TTBK1: variants seen among roughly 807,000 people sequenced by gnomAD.
The protein encoded by TTBK1 is tau-tubulin kinase 1.
Under a neutral mutation model 108.5 loss-of-function variants are expected in TTBK1, and 34 were observed. The ratio of observed to expected loss-of-function variants is 0.31; its 90% confidence interval spans 0.24 to 0.42. The LOEUF (loss-of-function observed/expected upper bound fraction) is 0.42. TTBK1 is among the 10% of genes least tolerant of loss of function. TTBK1 has a pLI of 1.00. For missense variants in TTBK1, 1,539 were observed against 1,826.0 expected (o/e 0.84, Z 2.86); for synonymous variants, 809 against 795.1 (o/e 1.02, Z -0.29).
At chr6:43,256,371 G>A (rs1777381078) in intron 9 of TTBK1, among the ~76,000 whole-genome samples, 1 of 151,912 alleles carries the variant, frequency 6.6e-6, no homozygotes, top group Non-Finnish European at 1.5e-5. Flanking sequence ...CTGACCTTTT[G>A]ATCCACCTGC....
rs1394490680 is a variant in TTBK1 at position 43,269,840 on chromosome 6, C to G, written c.1986+6490C>G. On this transcript the variant is annotated intron_variant, in intron 13 of 14. Transcript: ENST00000259750. This position sits in a 1 kb window ranked among gnomAD's most constrained non-coding sequence, Gnocchi z 4.8. The stretch of plus-strand genomic sequence containing the variant: ...AGAGCAGCCCTGTGCGGGCGCCCCA[C>G]CGGCGCCACGCGCCCCTCGCTGCTG... 2 of 1,535,228 alleles carry G rather than the reference C, an allele frequency of 1.3e-6. No individual in the cohort carries two copies. Among genetic ancestry groups the G allele is most frequent in the African/African-American group, 1.4e-5 (1 of 73,060 alleles).
rs1436598764 is a variant in TTBK1, at chr6:43,255,802, C to T, written c.807C>T (p.His269=). 3 of 1,614,126 alleles carry T rather than the reference C, an allele frequency of 1.9e-6. No homozygotes were observed. Among genetic ancestry groups the T allele is most frequent in the East Asian group, 2.2e-5 (1 of 44,878 alleles). The stretch of plus-strand genomic sequence containing the variant: ...TGAAGCACATGCCGTCAGAGTTCCA[C>T]CTCTTCCTGGACCACATTGCCAGCC... ...MLLKHMPSEF[H]LFLDHIASLD... is the part of the protein sequence containing the mutation. Residue 269 remains histidine (H), a synonymous_variant, in exon 9 of 15, where the codon CAC becomes CAT. Coordinates refer to ENST00000259750, the MANE Select transcript of TTBK1 (RefSeq NM_032538.3).
In TTBK1 at chr6:43,276,250, A is replaced by T. The variant is rs1002981189; in HGVS notation, c.1987-6477A>T. Among the ~76,000 whole-genome samples, 2 of 152,182 alleles carry T rather than the reference A, an allele frequency of 1.3e-5. No individual in the cohort carries two copies. Among genetic ancestry groups the T allele is most frequent in the African/African-American group, 4.8e-5 (2 of 41,432 alleles). On this transcript the variant is annotated intron_variant, in intron 13 of 14. Transcript: ENST00000259750. The surrounding 1 kb of genome is among the most constrained non-coding windows in gnomAD (Gnocchi z 5.4). ...ACCCTGGCCAGCGGAAGCATGCACGAAAAACTCAAAACCACACACACGCTC... is the reference window on the plus strand; with the variant it reads ...ACCCTGGCCAGCGGAAGCATGCACGTAAAACTCAAAACCACACACACGCTC...
chr6:43,243,771 C>T lies in TTBK1; in HGVS notation c.-55+63C>T. 1 of 151,986 alleles carries T rather than the reference C, an allele frequency of 6.6e-6. No homozygotes were observed. Among genetic ancestry groups the T allele is most frequent in the Non-Finnish European group, 1.5e-5 (1 of 67,818 alleles). The allele number at this position is 151,986 out of a possible 1,614,324, so 9.4% of individuals were successfully genotyped here. A position where few individuals can be genotyped will look rare whatever the true frequency, so the allele number is the denominator to read the frequency against. On this transcript the variant is annotated intron_variant, in intron 1 of 14. Transcript: ENST00000259750. The surrounding 1 kb of genome is among the most constrained non-coding windows in gnomAD (Gnocchi z 5.5). ...GCTCCTTCGTGGGCTCAGGGGGCTC[C>T]GCCTGGCTCGCCTCCCAGCGCAGCC...
In TTBK1 at chr6:43,263,400, T is replaced by G; in HGVS notation, c.1986+50T>G. The G allele has an allele frequency of 7.0e-7, 1 of 1,435,780 alleles. No individual in the cohort carries two copies. The allele number at this position is 1,435,780 out of a possible 1,614,324, so 88.9% of individuals were successfully genotyped here. A position where few individuals can be genotyped will look rare whatever the true frequency, so the allele number is the denominator to read the frequency against. On this transcript the variant is annotated intron_variant, in intron 13 of 14. Transcript: ENST00000259750. The surrounding 1 kb of genome is among the most constrained non-coding windows in gnomAD (Gnocchi z 4.7). ...CCCCATCTCCAGATGCCCAGAGTCC[T>G]GGTGTGTAGGCCTGGGGTGCTCCAT...
chr6:43,275,733 C>T (rs1339994490), intron 13 of TTBK1, among the ~76,000 whole-genome samples: 1 of 152,156 alleles, frequency 6.6e-6, no homozygotes, highest in Non-Finnish European at 1.5e-5. Context: ...CGTCCCCTGC[C>T]CCACCCCACC....
rs1777761844 is a variant in TTBK1, at chr6:43,269,336, G to A, written c.1986+5986G>A. The stretch of plus-strand genomic sequence containing the variant: ...GTTCCCCAGTCCAGAACAACCCTGA[G>A]CTAGGTAGGACTAAGCCAGGAAGGC... On this transcript the variant is annotated intron_variant, in intron 13 of 14. Transcript: ENST00000259750. This position sits in a 1 kb window ranked among gnomAD's most constrained non-coding sequence, Gnocchi z 4.8. 6.6e-6 allele frequency among the ~76,000 whole-genome samples: 1 copy of A among 152,218 alleles called. No individual in the cohort carries two copies. Among genetic ancestry groups the A allele is most frequent in the South Asian group, 2.1e-4 (1 of 4,832 alleles).
intron 12 of TTBK1, 70 bp from the exon 13 acceptor site, chr6:43,262,719 G>C (rs1478276309): frequency 7.1e-7 from 1 of 1,417,576 alleles, no homozygotes. Context: ...GCCCCACCCT[G>C]CCGCTGGCGT....
chr6:43,264,945 A>G (rs979802960), intron 13 of TTBK1, among the ~76,000 whole-genome samples: 1 of 152,160 alleles, frequency 6.6e-6, no homozygotes, highest in African/African-American at 2.4e-5. Flanking sequence ...GAGGGGCCAG[A>G]TGGTGGCCAA....
intron 13 of TTBK1, among the ~76,000 whole-genome samples, chr6:43,281,737 G>A (rs1330131925): frequency 1.3e-5 from 2 of 152,184 alleles, no homozygotes; most frequent in East Asian, 1.9e-4. Context: ...CAGCGTGTTC[G>A]AAAATGCTAG....
chr6:43,284,329 A>C lies in TTBK1; in HGVS notation c.3572+17A>C. On this transcript the variant is annotated intron_variant, in intron 14 of 14. Transcript: ENST00000259750. ...CACCAGCAGGTGAGAAACCGCTGCC[A>C]GCCCCAGGGTGGGCAGAGGGTGGCC... 1 of 1,526,552 alleles carries C rather than the reference A, an allele frequency of 6.6e-7. No individual in the cohort carries two copies. Among genetic ancestry groups the C allele is most frequent in the Non-Finnish European group, 8.8e-7 (1 of 1,141,004 alleles). The allele number at this position is 1,526,552 out of a possible 1,614,324, so 94.6% of individuals were successfully genotyped here.
rs988067047 is a variant in TTBK1 at position 43,284,250 on chromosome 6, C to G, written c.3510C>G (p.Ala1170=). The change falls in exon 14 of 15, where the codon GCC becomes GCG. Residue 1170 remains alanine (A), a synonymous_variant. Transcript: ENST00000259750. ...TCCGCATGCCCATGCCTGTTGCAGC[C>G]CAGCAGCCCGCCAGCAGATCCCATG... is the stretch of plus-strand genomic sequence containing the variant. ...IGLRMPMPVA[A]QQPASRSHGA... is the part of the protein sequence containing the mutation. 3.1e-6 allele frequency: 5 copies of G among 1,595,544 alleles called. No individual in the cohort carries two copies. The African/African-American group carries it at 6.7e-5, about 21-fold the overall frequency.
chr6:43,283,844 A>G lies in TTBK1; in HGVS notation c.3104A>G (p.Glu1035Gly). The change falls in exon 14 of 15, where the codon GAG becomes GGG. Residue 1035 changes from glutamate (E) to glycine (G), a missense_variant. This residue lies in a region of TTBK1 where 1,055 missense variants were observed against 1,086.5 expected (regional missense o/e 0.97). Coordinates refer to ENST00000259750, the MANE Select transcript of TTBK1 (RefSeq NM_032538.3). The surrounding 1 kb of genome is among the most constrained non-coding windows in gnomAD (Gnocchi z 8.1). ...GTGTCCCCGCTGGAGCCAAGCCCTG[A>G]GAAAGTGGCCACCATCTCCCCCAGA... ...APVSPLEPSPEKVATISPRRH... is the reference protein window; with the variant it reads ...APVSPLEPSPGKVATISPRRH... 1 of 1,609,994 alleles carries G rather than the reference A, an allele frequency of 6.2e-7. No individual in the cohort carries two copies. The highest frequency in any genetic ancestry group is 1.7e-5 in the Admixed American group (1 of 59,678).
chr6:43,267,885 G>C (rs1237963321), intron 13 of TTBK1, among the ~76,000 whole-genome samples: 2 of 152,186 alleles, frequency 1.3e-5, no homozygotes, highest in East Asian at 1.9e-4. Context: ...AGTGTGCTAG[G>C]GGCTGGGGGA....
Position 43,285,532 on chromosome 6 carries a change from A to G in TTBK1, c.*156A>G. 1.9e-6 allele frequency: 2 copies of G among 1,034,418 alleles called. No individual in the cohort carries two copies. Among genetic ancestry groups the G allele is most frequent in the Non-Finnish European group, 2.5e-6 (2 of 814,766 alleles). The allele number at this position is 1,034,418 out of a possible 1,614,324, so 64.1% of individuals were successfully genotyped here. ...TGCACCCGCGAGGACGCGCGCGAGC[A>G]CACGCGGCGCCCCGCCAGGCCTTAG... On this transcript the variant is annotated 3_prime_UTR_variant, in exon 15 of 15. Coordinates refer to ENST00000259750, the MANE Select transcript of TTBK1 (RefSeq NM_032538.3). The surrounding 1 kb of genome is among the most constrained non-coding windows in gnomAD (Gnocchi z 4.7).
In TTBK1 at chr6:43,276,175, C is replaced by T. The variant is rs1777991032; in HGVS notation, c.1987-6552C>T. Among the ~76,000 whole-genome samples, 1 of 152,200 alleles carries T rather than the reference C, an allele frequency of 6.6e-6. No individual in the cohort carries two copies. Among genetic ancestry groups the T allele is most frequent in the African/African-American group, 2.4e-5 (1 of 41,420 alleles). On this transcript the variant is annotated intron_variant, in intron 13 of 14. Coordinates refer to ENST00000259750, the MANE Select transcript of TTBK1 (RefSeq NM_032538.3). The surrounding 1 kb of genome is among the most constrained non-coding windows in gnomAD (Gnocchi z 5.4). Reference sequence around the variant, plus strand: ...CCATCGTAAGTCCTTCCCTCGACCCCCCATTTTGTACTGCAATAATACTGT... The same window carrying T: ...CCATCGTAAGTCCTTCCCTCGACCCTCCATTTTGTACTGCAATAATACTGT...
intron 12 of TTBK1, 44 bp from the exon 13 acceptor site, chr6:43,262,745 C>T (rs532423050): frequency 5.8e-5 from 86 of 1,478,940 alleles, no homozygotes; most frequent in South Asian, 4.4e-4. Context: ...CCTTGGGGGT[C>T]CAGTGGGGCC....
At chr6:43,248,588 C>T (rs1359340416) in intron 2 of TTBK1, among the ~76,000 whole-genome samples, 2 of 152,110 alleles carry the variant, frequency 1.3e-5, no homozygotes, top group Admixed American at 6.5e-5. Flanking sequence ...CCGGGTGTGG[C>T]AGTGGGCGCC....
chr6:43,250,124 G>T (rs1462370494), intron 2 of TTBK1, among the ~76,000 whole-genome samples: 1 of 152,020 alleles, frequency 6.6e-6, no homozygotes, highest in Non-Finnish European at 1.5e-5. Context: ...GAAGGTGGTA[G>T]AGAAATACCC....
Sources: gnomAD v4.1 joint callset for allele counts (sites outside exome capture counted in the v4.1 genomes callset) on GRCh38, gnomAD v4.1.1 for gene constraint, gnomAD v4.1.1 regional missense constraint, Gnocchi (gnomAD v3.1) non-coding constraint, MANE v1.5 for transcripts, NCBI Gene and HGNC (gene_info 2026-07-23, HGNC 2026-07-21) for gene names.